The following CRADD variants were observed in gnomAD, a reference collection of about 807,000 sequenced individuals.
CRADD encodes the protein CARD and death domain containing adaptor protein, also known as death domain-containing protein CRADD.
A neutral mutation model predicts 15.5 loss-of-function variants in CRADD; 9 were observed. The ratio of observed to expected loss-of-function variants is 0.58; its 90% CI spans 0.35 to 1.01. CRADD has a LOEUF of 1.01. Among genes scored for constraint, CRADD ranks in the 50% least tolerant of loss-of-function variants. CRADD has a pLI of 0.02. For synonymous variants in CRADD, 118 were observed against 107.6 expected (o/e 1.10, Z -0.60); for missense variants, 227 against 250.3 (o/e 0.91, Z 0.63).
chr12:93,722,315 T>G (rs1956279090), intron 2 of CRADD, among the ~76,000 whole-genome samples: 1 of 152,164 alleles, frequency 6.6e-6, no homozygotes, highest in Admixed American at 6.5e-5. Context: ...ATAGCCTAGG[T>G]ATAGTTTTTG....
chr12:93,878,653 C>T (rs1268762870), intron 2 of CRADD, among the ~76,000 whole-genome samples: 4 of 152,170 alleles, frequency 2.6e-5, no homozygotes, highest in Non-Finnish European at 5.9e-5. Context: ...TTTGTGGGAA[C>T]TCAAGTTCTG....
intron 2 of CRADD, among the ~76,000 whole-genome samples, chr12:93,891,186 G>T (rs1229485953): frequency 6.6e-6 from 1 of 151,986 alleles, no homozygotes; most frequent in Non-Finnish European, 1.5e-5. Context: ...CTCATATTTG[G>T]CTCAGAATAA....
At position 93,850,514 on chromosome 12, in the gene CRADD, G is replaced by T. The variant is rs904335954; in HGVS notation, c.*243G>T. ...GCTTGAAGATTGCATTGTTGTAATT[G>T]TTCAGTTTTTAAATGTGTAATGGCA... On this transcript the variant is annotated 3_prime_UTR_variant, in exon 3 of 3. Transcript: ENST00000332896. The surrounding 1 kb of genome is among the most constrained non-coding windows in gnomAD (Gnocchi z 4.0). The T allele has an allele frequency of 8.1e-7, 1 of 1,238,248 alleles. No homozygotes were observed. The highest frequency in any genetic ancestry group is 3.8e-5 in the East Asian group (1 of 26,050). 76.7% of individuals were successfully genotyped at this position (1,238,248 alleles called of 1,614,324 possible). A position where few individuals can be genotyped will look rare whatever the true frequency, so the allele number is the denominator to read the frequency against.
intron 2 of CRADD, among the ~76,000 whole-genome samples, chr12:93,818,315 G>T (rs1957730834): frequency 6.6e-6 from 1 of 152,132 alleles, no homozygotes; most frequent in African/African-American, 2.4e-5. Context: ...AAGAAGATGG[G>T]ATACAAAAAG....
chr12:93,857,114 T>A (rs1958281279), intron 2 of CRADD, among the ~76,000 whole-genome samples: 2 of 150,980 alleles, frequency 1.3e-5, no homozygotes, highest in Non-Finnish European at 2.9e-5. Flanking sequence ...GGCTATGAAA[T>A]CCAGGTTTGA....
In CRADD at chr12:93,815,998, G is replaced by A. The variant is rs528841443; in HGVS notation, c.299-33972G>A. ...GAAAGAACACAGAAAGCTGATTCTA[G>A]AGTAGGGCTATCTAATAGAAATATC... is the stretch of plus-strand genomic sequence containing the variant. On this transcript the variant is annotated intron_variant, in intron 2 of 2. Transcript: ENST00000332896. The A allele has an allele frequency of 4.6e-5, 7 of 152,340 alleles. No homozygotes were observed. The South Asian group carries it at 1.0e-3, about 23-fold the overall frequency. 9.4% of individuals were successfully genotyped at this position (152,340 alleles called of 1,614,324 possible). A position where few individuals can be genotyped will look rare whatever the true frequency, so the allele number is the denominator to read the frequency against.
At chr12:93,859,410 C>T (rs997074155) in intron 2 of CRADD, 4 of 453,596 alleles carry the variant, frequency 8.8e-6, no homozygotes, top group Admixed American at 4.7e-5. Flanking sequence ...CCTAAGGCCT[C>T]GTTACCTGTG....
intron 2 of CRADD, among the ~76,000 whole-genome samples, chr12:93,817,694 G>T (rs551700598): frequency 6.6e-6 from 1 of 151,902 alleles, no homozygotes; most frequent in Non-Finnish European, 1.5e-5. Flanking sequence ...TGGGGCCTTC[G>T]AATCCACTCT....
intron 2 of CRADD, among the ~76,000 whole-genome samples, chr12:93,727,118 C>T (rs956538238): frequency 7.2e-5 from 11 of 152,202 alleles, no homozygotes; most frequent in Non-Finnish European, 1.6e-4. Context: ...TTGAAAAGAT[C>T]GCCCTGATTG....
At chr12:93,811,050 G>GCCCC (rs34751959) in intron 2 of CRADD, among the ~76,000 whole-genome samples, 1 of 151,940 alleles carries the variant, frequency 6.6e-6, no homozygotes, top group Admixed American at 6.5e-5. Flanking sequence ...TTTTCCCTTA[G>GCCCC]CCCCCCCTCC....
At position 93,789,496 on chromosome 12, in the gene CRADD, A is replaced by G. The variant is rs1957325038; in HGVS notation, c.299-60474A>G. Among the ~76,000 whole-genome samples, 4 of 152,244 alleles carry G rather than the reference A, an allele frequency of 2.6e-5. No homozygotes were observed. In the South Asian group the frequency reaches 8.3e-4, roughly 32 times the overall value. On this transcript the variant is annotated intron_variant, in intron 2 of 2. Transcript: ENST00000332896. ...GAGCACATGTAAAACAATAATGTTC[A>G]GTATAGACTTTAGTTTCTGATTTGA...
At position 93,738,576 on chromosome 12, in the gene CRADD, A is replaced by G. The variant is rs113088381; in HGVS notation, c.298+59504A>G. 3.0e-3 allele frequency: 2,002 copies of G among 671,282 alleles called. 45 individuals carry two copies. In the African/African-American group the frequency reaches 0.032, roughly 11 times the overall value. The allele number at this position is 671,282 out of a possible 1,614,324, so 41.6% of individuals were successfully genotyped here. A position where few individuals can be genotyped will look rare whatever the true frequency, so the allele number is the denominator to read the frequency against. On this transcript the variant is annotated intron_variant, in intron 2 of 2. Transcript: ENST00000332896. ...CTCACACCTGCCTCACCCCGCTCCC[A>G]CCGCCACCCCCTGCACCACACGCCA...
At chr12:93,884,799 CAG>C (rs1304623712) in intron 2 of CRADD, among the ~76,000 whole-genome samples, 1 of 152,094 alleles carries the variant, frequency 6.6e-6, no homozygotes, top group Non-Finnish European at 1.5e-5. Flanking sequence ...AACAAAATGA[CAG>C]AGAAAATAAA....
intron 2 of CRADD, among the ~76,000 whole-genome samples, chr12:93,806,329 G>C (rs1957537046): frequency 6.6e-6 from 1 of 151,798 alleles, no homozygotes; most frequent in Non-Finnish European, 1.5e-5. Flanking sequence ...GCGCATGCCT[G>C]TAGTCCCAGC....
At chr12:93,893,061 G>T (rs1312515921) in intron 2 of CRADD, among the ~76,000 whole-genome samples, 1 of 152,164 alleles carries the variant, frequency 6.6e-6, no homozygotes, top group Non-Finnish European at 1.5e-5. Flanking sequence ...CTGTCCTCCA[G>T]GACTCGGCTC....
At chr12:93,808,786 TC>T (rs1349503723) in intron 2 of CRADD, among the ~76,000 whole-genome samples, 1 of 152,224 alleles carries the variant, frequency 6.6e-6, no homozygotes, top group African/African-American at 2.4e-5. Flanking sequence ...CCTCTGAAGA[TC>T]CCCTGCCTTC....
chr12:93,816,533 C>T (rs997150493), intron 2 of CRADD, among the ~76,000 whole-genome samples: 1 of 152,074 alleles, frequency 6.6e-6, no homozygotes, highest in African/African-American at 2.4e-5. Flanking sequence ...TGCCAGAAAA[C>T]AATTATTAAT....
intron 2 of CRADD, among the ~76,000 whole-genome samples, chr12:93,876,295 A>G (rs1274161506): frequency 6.6e-6 from 1 of 152,104 alleles, no homozygotes; most frequent in Admixed American, 6.5e-5. Context: ...GGCCTGAGGT[A>G]GTCTTCTTTA....
intron 2 of CRADD, among the ~76,000 whole-genome samples, chr12:93,734,861 C>T (rs997249129): frequency 7.2e-5 from 11 of 152,206 alleles, no homozygotes; most frequent in African/African-American, 2.7e-4. Context: ...GCTAATCCCA[C>T]TCAACTCACA....
Sources: gnomAD v4.1 joint callset for allele counts (sites outside exome capture counted in the v4.1 genomes callset) on GRCh38, gnomAD v4.1.1 for gene constraint, Gnocchi (gnomAD v3.1) non-coding constraint, MANE v1.5 for transcripts, NCBI Gene and HGNC (gene_info 2026-07-23, HGNC 2026-07-21) for gene names.